DNAH8: variants seen among roughly 807,000 people sequenced by gnomAD.
DNAH8 encodes the protein dynein axonemal heavy chain 8.
Under a neutral mutation model 562.1 loss-of-function variants are expected in DNAH8, and 382 were observed. The ratio of observed to expected loss-of-function variants is 0.68; its 90% CI spans 0.63 to 0.74. The LOEUF (loss-of-function observed/expected upper bound fraction) is 0.74, where lower values mean the gene tolerates loss of function less well. Among genes scored for constraint, DNAH8 ranks in the 30% least tolerant of loss-of-function variants. The probability of loss-of-function intolerance (pLI) is 0.00; values close to 1 mark genes in which losing one functional copy is unlikely to be tolerated. For synonymous variants in DNAH8, 1,881 were observed against 1,919.4 expected (o/e 0.98, Z 0.52); for missense variants, 5,203 against 5,620.4 (o/e 0.93, Z 2.37).
chr6:38,909,999 T>A (rs999643669), intron 65 of DNAH8, among the ~76,000 whole-genome samples: 12 of 152,252 alleles, frequency 7.9e-5, no homozygotes, highest in African/African-American at 2.2e-4. Flanking sequence ...CTTAATGAAT[T>A]ACTTTATTTC....
At chr6:39,019,363 A>G (rs968125252) in intron 91 of DNAH8, among the ~76,000 whole-genome samples, 1 of 152,250 alleles carries the variant, frequency 6.6e-6, no homozygotes, top group African/African-American at 2.4e-5. Flanking sequence ...GATGCTTTCT[A>G]CTCTCTGTCT....
Position 38,921,373 on chromosome 6 carries a change from A to T in DNAH8, c.10529A>T (p.Asn3510Ile). 1 of 1,613,024 alleles carries T rather than the reference A, an allele frequency of 6.2e-7. No individual in the cohort carries two copies. ...ACCACGTCTTCTTCTTTTCAGGCCA[A>T]CCTGGCCAAGCAGGAAGGCCGGTTA... ...INREVLPLKA[N>I]LAKQEGRLAV... is the part of the protein sequence containing the mutation. The change falls in exon 71 of 93, where the codon AAC (asparagine) becomes ATC (isoleucine). Residue 3510 changes from asparagine (N) to isoleucine (I), a missense_variant. Asn to Ile is a moderately radical substitution (Grantham distance 149, BLOSUM62 -3). Coordinates refer to ENST00000327475, the MANE Select transcript of DNAH8 (RefSeq NM_001206927.2).
intron 20 of DNAH8, among the ~76,000 whole-genome samples, chr6:38,790,669 A>G (rs1401865254): frequency 6.6e-6 from 1 of 151,988 alleles, no homozygotes; most frequent in African/African-American, 2.4e-5. Flanking sequence ...CTAAAAATAC[A>G]AAAATTAGCT....
chr6:38,835,714 C>T (rs1678732), intron 32 of DNAH8, among the ~76,000 whole-genome samples: 31,314 of 151,794 alleles, frequency 0.21, 3,961 homozygotes, highest in African/African-American at 0.35. Flanking sequence ...CTTTGGGATG[C>T]GGTACTAAAG....
In DNAH8 at chr6:38,789,831, G is replaced by C; in HGVS notation, c.2612G>C (p.Cys871Ser). ...QGLLQYYDEL[C>S]QEVPSVFVNL... ...CTTCTGCAATATTATGATGAGTTAT[G>C]TCAGGAAGTGCCTTCTGTGTTTGTC... Residue 871 changes from cysteine to serine, a missense_variant, in exon 19 of 93, where the codon TGT becomes TCT. This residue lies in a region of DNAH8 where 2,176 missense variants were observed against 2,365.1 expected (regional missense o/e 0.92). Transcript: ENST00000327475. 1 of 1,612,916 alleles carries C rather than the reference G, an allele frequency of 6.2e-7. No individual in the cohort carries two copies. Among genetic ancestry groups the C allele is most frequent in the Non-Finnish European group, 8.5e-7 (1 of 1,179,508 alleles).
chr6:38,826,394 A>G lies in DNAH8; in HGVS notation c.4083+3A>G, dbSNP rs1773320547. On this transcript the variant is annotated splice_donor_region_variant and intron_variant, in intron 29 of 92. Coordinates refer to ENST00000327475, the MANE Select transcript of DNAH8 (RefSeq NM_001206927.2). ...ACATGACTTTGGGACCAATTGAAGT[A>G]AGAAATGATTGCATTTTTTTTTCTT... 2.6e-6 allele frequency: 4 copies of G among 1,565,796 alleles called. No homozygotes were observed. The highest frequency in any genetic ancestry group is 3.5e-6 in the Non-Finnish European group (4 of 1,154,810).
Position 38,917,357 on chromosome 6 carries a change from T to C in DNAH8, c.10259T>C (p.Met3420Thr). Residue 3420 changes from methionine to threonine, a missense_variant, in exon 69 of 93, where the codon ATG becomes ACG. By Grantham distance (81) the Met-to-Thr change is moderately conservative. Around this residue, in one of 6 missense-constraint regions of DNAH8, gnomAD observed 87 missense variants for 144.9 expected, o/e 0.60. Transcript: ENST00000327475. ...CAAAAGAAAATTGACCCTGTTACTA[T>C]GGATCCAGAAAAATCTTGCTGTAAG... The part of the protein sequence containing the change: ...LFQKKIDPVT[M>T]DPEKSCCKPS... 2.5e-6 allele frequency: 4 copies of C among 1,613,676 alleles called. No homozygotes were observed. The highest frequency in any genetic ancestry group is 1.1e-5 in the South Asian group (1 of 91,048).
In DNAH8 at chr6:38,837,989, T is replaced by C; in HGVS notation, c.4413T>C (p.Gly1471=). ...LWRKFVTYSS[G]EQLFGLPVTD... is the part of the protein sequence containing the mutation. ...GGAAATTTGTTACGTATTCATCTGG[T>C]GAACAACTTTTTGGATTGCCTGTGA... Residue 1471 remains glycine, a synonymous_variant, in exon 33 of 93, where the codon GGT becomes GGC. Coordinates refer to ENST00000327475, the MANE Select transcript of DNAH8 (RefSeq NM_001206927.2). 1 of 1,613,440 alleles carries C rather than the reference T, an allele frequency of 6.2e-7. No homozygotes were observed. The highest frequency in any genetic ancestry group is 8.5e-7 in the Non-Finnish European group (1 of 1,179,706).
chr6:38,849,862 C>T (rs1238781884), intron 37 of DNAH8, among the ~76,000 whole-genome samples: 3 of 151,800 alleles, frequency 2.0e-5, no homozygotes, highest in South Asian at 2.1e-4. Flanking sequence ...TGTAATTATT[C>T]CAAGGATCCT....
At chr6:39,010,820 C>CACGTATGTATGTATGTAT (rs1554163118) in intron 89 of DNAH8, among the ~76,000 whole-genome samples, 5 of 132,760 alleles carry the variant, frequency 3.8e-5, no homozygotes, top group African/African-American at 5.8e-5. Flanking sequence ...CACACACACA[C>CACGTATGTATGTATGTAT]GTATGTATGT....
chr6:38,886,353 A>G (rs540446556), intron 56 of DNAH8, among the ~76,000 whole-genome samples: 10 of 152,318 alleles, frequency 6.6e-5, no homozygotes, highest in African/African-American at 1.2e-4. Context: ...AGATGAGAAC[A>G]TAAAACCAAC....
intron 38 of DNAH8, 73 bp from the exon 39 acceptor site, chr6:38,851,499 T>G: frequency 1.2e-6 from 1 of 844,392 alleles, no homozygotes; most frequent in Non-Finnish European, 1.9e-6. Context: ...TTAGTGATTA[T>G]GTCTTGACTA....
intron 29 of DNAH8, among the ~76,000 whole-genome samples, chr6:38,826,648 T>A (rs1297342838): frequency 6.6e-6 from 1 of 152,206 alleles, no homozygotes; most frequent in Admixed American, 6.5e-5. Context: ...GTGTTTAATT[T>A]TTGATACTGG....
At position 38,823,587 on chromosome 6, in the gene DNAH8, T is replaced by A. The variant is rs756691539; in HGVS notation, c.3746T>A (p.Leu1249Gln). 1 of 1,610,492 alleles carries A rather than the reference T, an allele frequency of 6.2e-7. No homozygotes were observed. The highest frequency in any genetic ancestry group is 1.1e-5 in the South Asian group (1 of 90,856). Residue 1249 changes from leucine (L) to glutamine (Q), a missense_variant, in exon 28 of 93, where the codon CTG becomes CAG. Around this residue, in one of 6 missense-constraint regions of DNAH8, gnomAD observed 2,176 missense variants for 2,365.1 expected, o/e 0.92. Coordinates refer to ENST00000327475, the MANE Select transcript of DNAH8 (RefSeq NM_001206927.2). The stretch of plus-strand genomic sequence containing the variant: ...GAATTTTTGGCTAACAACCCCTCTC[T>A]GACTGAAATCAGATCAGAAATTCTA... ...VKEFLANNPS[L>Q]TEIRSEILHY...
At chr6:38,731,637 A>G (rs1763662094) in intron 4 of DNAH8, among the ~76,000 whole-genome samples, 1 of 152,258 alleles carries the variant, frequency 6.6e-6, no homozygotes, top group South Asian at 2.1e-4. Flanking sequence ...AAGGGTACAC[A>G]TATTTTTAAT....
chr6:39,008,666 C>G (rs2150765455), intron 88 of DNAH8, 148 bp from the exon 89 acceptor site: 1 of 507,974 alleles, frequency 2.0e-6, no homozygotes. Context: ...TTTCATTCCT[C>G]TAGGTTGATG....
chr6:38,937,823 G>T (rs1783092586), intron 77 of DNAH8, 151 bp from the exon 78 acceptor site: 1 of 876,600 alleles, frequency 1.1e-6, no homozygotes, highest in Admixed American at 2.7e-5. Context: ...AAGCTTTTTG[G>T]TGTCTTAAGA....
intron 63 of DNAH8, among the ~76,000 whole-genome samples, chr6:38,907,342 T>C (rs1444975761): frequency 6.6e-6 from 1 of 152,204 alleles, no homozygotes; most frequent in Non-Finnish European, 1.5e-5. Context: ...TTTTTAGGTT[T>C]GGTCACTTCC....
chr6:38,782,251 AT>A (rs1356312032), intron 16 of DNAH8, among the ~76,000 whole-genome samples: 1 of 149,082 alleles, frequency 6.7e-6, no homozygotes, highest in Non-Finnish European at 1.5e-5. Flanking sequence ...TGATTTTTAA[AT>A]AAAGAAATTT....
Sources: allele counts gnomAD v4.1 joint callset (sites outside exome capture counted in the v4.1 genomes callset), GRCh38; gene constraint gnomAD v4.1.1; regional missense constraint gnomAD v4.1.1; transcripts MANE v1.5; gene names NCBI Gene and HGNC (gene_info 2026-07-23, HGNC 2026-07-21).